Variants in LARGE1 observed in about 807,000 individuals in gnomAD.
LARGE1 encodes the protein LARGE xylosyl- and glucuronyltransferase 1.
Under a neutral mutation model 87.6 loss-of-function variants are expected in LARGE1, and 43 were observed. That is an observed-to-expected ratio of 0.49 (90% CI 0.38 to 0.63). The LOEUF is 0.63. LARGE1 is among the 30% of genes least tolerant of loss of function. LARGE1 has a pLI of 0.00. For synonymous variants in LARGE1, 434 were observed against 394.6 expected, an observed-to-expected ratio of 1.10 and a Z score of -1.18; for missense variants, 802 against 1,000.2, an observed-to-expected ratio of 0.80 and a Z score of 2.67.
At chr22:33,653,214 C>G (rs1419112013) in intron 2 of LARGE1, among the ~76,000 whole-genome samples, 1 of 152,168 alleles carries the variant, frequency 6.6e-6, no homozygotes, top group Admixed American at 6.5e-5. Context: ...GTGGTTCATG[C>G]TGATAATGCC....
rs1555891766 is a variant in LARGE1, at chr22:33,909,530, T to TG, written c.-83+10464_-83+10465insC. Among the ~76,000 whole-genome samples the TG allele has an allele frequency of 5.6e-3, 844 of 151,000 alleles. 4 individuals carry two copies. Among genetic ancestry groups the TG allele is most frequent in the African/African-American group, 0.019 (780 of 40,804 alleles). On this transcript the variant is annotated intron_variant, in intron 1 of 14. Coordinates refer to ENST00000397394, the MANE Select transcript of LARGE1 (RefSeq NM_133642.5). ...CACCAACTTCTTCTTTTGTTTTTTT[T>TG]TTTTTGTTTTTGTTTTTGTTTTTGA...
chr22:33,383,185 G>A (rs982911580), intron 8 of LARGE1, among the ~76,000 whole-genome samples: 7 of 152,156 alleles, frequency 4.6e-5, no homozygotes, highest in African/African-American at 1.7e-4. Flanking sequence ...ATTTAAATGA[G>A]TGATCCTGGT....
At chr22:33,634,907 T>C (rs1015222994) in intron 3 of LARGE1, among the ~76,000 whole-genome samples, 1 of 151,722 alleles carries the variant, frequency 6.6e-6, no homozygotes, top group South Asian at 2.1e-4. Flanking sequence ...GGCGGGTGGA[T>C]CACAGGTCAG....
At chr22:33,475,375 T>C (rs2069026939) in intron 6 of LARGE1, among the ~76,000 whole-genome samples, 1 of 152,218 alleles carries the variant, frequency 6.6e-6, no homozygotes, top group East Asian at 1.9e-4. Flanking sequence ...GTAGAGAAAA[T>C]GTTTAGACCA....
intron 1 of LARGE1, among the ~76,000 whole-genome samples, chr22:33,869,892 A>G (rs1053676867): frequency 6.6e-5 from 10 of 152,266 alleles, no homozygotes; most frequent in African/African-American, 2.4e-4. Context: ...AAAAACAGAA[A>G]CCGCTGATGT....
intron 6 of LARGE1, among the ~76,000 whole-genome samples, chr22:33,555,567 C>G (rs2413191): frequency 0.66 from 100,217 of 151,930 alleles, 33,852 homozygotes; most frequent in African/African-American, 0.78. Flanking sequence ...TCTGGAGGAG[C>G]AGCATTCCAG....
At chr22:33,074,871 G>C in the LARGE1 span, among the ~76,000 whole-genome samples, 3 of 152,128 alleles carry the variant, frequency 2.0e-5, no homozygotes, top group Non-Finnish European at 4.4e-5. Context: ...CATTTACTGA[G>C]TTTTTATTCT....
chr22:33,277,237 T>G lies in LARGE1; in HGVS notation c.1896A>C (p.Lys632Asn). The G allele has an allele frequency of 6.2e-7, 1 of 1,614,206 alleles. No homozygotes were observed. The highest frequency in any genetic ancestry group is 8.5e-7 in the Non-Finnish European group (1 of 1,180,032). The part of the protein sequence containing the change: ...LFTFRYHVWT[K>N]GHAPTNFAKW... ...TGGCGAAGTTTGTGGGTGCGTGGCCTTTCGTCCAGACGTGGTACCTGAGAC... is the reference window on the plus strand; with the variant it reads ...TGGCGAAGTTTGTGGGTGCGTGGCCGTTCGTCCAGACGTGGTACCTGAGAC... Residue 632 changes from lysine (K) to asparagine (N), a missense_variant, in exon 14 of 15, where the codon AAA becomes AAC. Physicochemically the swap from Lys to Asn is moderately conservative, Grantham distance 94. Coordinates refer to ENST00000397394, the MANE Select transcript of LARGE1 (RefSeq NM_133642.5).
chr22:33,232,996 C>T (rs1170679916), intron 11 of LARGE1, among the ~76,000 whole-genome samples: 1 of 152,242 alleles, frequency 6.6e-6, no homozygotes, highest in East Asian at 1.9e-4. Context: ...CTGGGGGATT[C>T]CCGAACCCTG....
At chr22:33,405,864 C>T (rs140417703) in intron 7 of LARGE1, among the ~76,000 whole-genome samples, 11 of 152,106 alleles carry the variant, frequency 7.2e-5, no homozygotes, top group African/African-American at 2.7e-4. Flanking sequence ...CTGTGAAGAT[C>T]GATAGTCCCT....
At chr22:33,218,149 C>T (rs116666362) in intron 11 of LARGE1, among the ~76,000 whole-genome samples, 3,237 of 152,112 alleles carry the variant, frequency 0.021, 116 homozygotes, top group African/African-American at 0.072. Flanking sequence ...AGGCTTGTCT[C>T]GAAGTCCTAA....
chr22:33,609,337 G>C lies in LARGE1; in HGVS notation c.492-4779C>G, dbSNP rs1291751079. ...AGGGAGCCTTCCACATAAACCAACAGGTAATATGCAGGACACTCTCAGAGT... is the reference window on the plus strand; with the variant it reads ...AGGGAGCCTTCCACATAAACCAACACGTAATATGCAGGACACTCTCAGAGT... On this transcript the variant is annotated intron_variant, in intron 4 of 14. Transcript: ENST00000397394. 2.6e-5 allele frequency among the ~76,000 whole-genome samples: 4 copies of C among 152,270 alleles called. No homozygotes were observed. The East Asian group carries it at 5.8e-4, about 22-fold the overall frequency.
chr22:33,239,710 T>C (rs1926423709), intron 11 of LARGE1, among the ~76,000 whole-genome samples: 1 of 151,864 alleles, frequency 6.6e-6, no homozygotes, highest in Non-Finnish European at 1.5e-5. Context: ...GGCTAGTTTT[T>C]GTATTTTTAG....
intron 1 of LARGE1, among the ~76,000 whole-genome samples, chr22:33,823,946 G>C (rs1453596272): frequency 6.6e-6 from 1 of 152,106 alleles, no homozygotes; most frequent in Non-Finnish European, 1.5e-5. Flanking sequence ...GTGTCTACCA[G>C]TTAATAGTAA....
intron 9 of LARGE1, among the ~76,000 whole-genome samples, chr22:33,349,147 G>T (rs1043720972): frequency 1.3e-5 from 2 of 152,022 alleles, no homozygotes; most frequent in Non-Finnish European, 2.9e-5. Context: ...ACGAATACAG[G>T]GATTTAACCA....
chr22:33,434,653 A>C (rs1372590424), intron 6 of LARGE1, among the ~76,000 whole-genome samples: 1 of 152,200 alleles, frequency 6.6e-6, no homozygotes, highest in Non-Finnish European at 1.5e-5. Context: ...AGGTAAGGTC[A>C]TCTTCAGATA....
chr22:33,595,536 A>T (rs2078955163), intron 5 of LARGE1, among the ~76,000 whole-genome samples: 1 of 152,204 alleles, frequency 6.6e-6, no homozygotes, highest in Non-Finnish European at 1.5e-5. Flanking sequence ...TTATTCCACA[A>T]GCAGGTCAGA....
chr22:33,487,775 T>C (rs2069650848), intron 6 of LARGE1, among the ~76,000 whole-genome samples: 1 of 152,184 alleles, frequency 6.6e-6, no homozygotes, highest in African/African-American at 2.4e-5. Flanking sequence ...GAAGCTCTGT[T>C]CTGCTGCTCA....
chr22:33,777,317 C>T (rs1035255378), intron 1 of LARGE1, among the ~76,000 whole-genome samples: 1 of 151,990 alleles, frequency 6.6e-6, no homozygotes. Flanking sequence ...TCGAGATTTC[C>T]GAGCAGGAAT....
Sources: allele counts gnomAD v4.1 joint callset (sites outside exome capture counted in the v4.1 genomes callset), GRCh38; gene constraint gnomAD v4.1.1; transcripts MANE v1.5; gene names NCBI Gene and HGNC (gene_info 2026-07-23, HGNC 2026-07-21).